The following SGMS1 variants were observed in gnomAD, a reference collection of about 807,000 sequenced individuals.
SGMS1 encodes the protein sphingomyelin synthase 1, also known as phosphatidylcholine:ceramide cholinephosphotransferase 1.
A neutral mutation model predicts 46.2 loss-of-function variants in SGMS1; 13 were observed. That is an observed-to-expected ratio of 0.28 (90% CI 0.18 to 0.45). SGMS1 has a LOEUF of 0.45. SGMS1 is among the 20% of genes least tolerant of loss of function. The pLI is 1.00. For synonymous variants in SGMS1, 203 were observed against 187.8 expected, an observed-to-expected ratio of 1.08 and a Z score of -0.66; for missense variants, 324 against 519.9, an observed-to-expected ratio of 0.62 and a Z score of 3.66.
At chr10:50,347,832 T>G (rs1283740531) in intron 6 of SGMS1, among the ~76,000 whole-genome samples, 1 of 152,214 alleles carries the variant, frequency 6.6e-6, no homozygotes, top group Non-Finnish European at 1.5e-5. Flanking sequence ...TAATCTCCTC[T>G]CAAGAGATAA....
In SGMS1 at chr10:50,307,699, A is replaced by G. The variant is rs548475303; in HGVS notation, c.1062+283T>C. On this transcript the variant is annotated intron_variant, in intron 10 of 10. Transcript: ENST00000361781. This position sits in a 1 kb window ranked among gnomAD's most constrained non-coding sequence, Gnocchi z 4.2. ...GAGAAGAGGATAGGAAAGCAAATCA[A>G]GCAAGGAGGGACACAAGCTTAGAAA... Among the ~76,000 whole-genome samples, 1 of 152,332 alleles carries G rather than the reference A, an allele frequency of 6.6e-6. No individual in the cohort carries two copies. Among genetic ancestry groups the G allele is most frequent in the African/African-American group, 2.4e-5 (1 of 41,566 alleles).
chr10:50,419,354 A>G (rs1368346692), intron 6 of SGMS1, among the ~76,000 whole-genome samples: 1 of 152,204 alleles, frequency 6.6e-6, no homozygotes, highest in Non-Finnish European at 1.5e-5. Flanking sequence ...TTAAATATCT[A>G]AAGAATTTTA....
At chr10:50,622,826 T>C (rs1007556965) in intron 1 of SGMS1, among the ~76,000 whole-genome samples, 44 of 152,242 alleles carry the variant, frequency 2.9e-4, no homozygotes, top group African/African-American at 8.7e-4. Context: ...ACTAGGGCAC[T>C]CTATCCGGCC....
chr10:50,347,740 T>C (rs976786268), intron 6 of SGMS1, among the ~76,000 whole-genome samples: 4 of 152,070 alleles, frequency 2.6e-5, no homozygotes, highest in African/African-American at 4.8e-5. Flanking sequence ...CCAGCCAAGA[T>C]AGGAAACTCC....
rs370788062 is a variant in SGMS1 at position 50,385,718 on chromosome 10, G to A, written c.-231-41373C>T. On this transcript the variant is annotated intron_variant, in intron 6 of 10. Coordinates refer to ENST00000361781, the MANE Select transcript of SGMS1 (RefSeq NM_147156.4). ...GGAGAGGAAGATGTCAGATGAGCTA[G>A]GAAGGCATGGGAGAACCTTGGCCGT... 4.6e-5 allele frequency among the ~76,000 whole-genome samples: 7 copies of A among 152,318 alleles called. No homozygotes were observed. In the South Asian group the frequency reaches 1.5e-3, roughly 32 times the overall value.
At chr10:50,511,535 C>T (rs1007206670) in intron 3 of SGMS1, among the ~76,000 whole-genome samples, 13 of 152,172 alleles carry the variant, frequency 8.5e-5, no homozygotes, top group African/African-American at 3.1e-4. Flanking sequence ...CTTAACTTCT[C>T]CTTAAGTCAG....
At chr10:50,507,271 A>G (rs1022974265) in intron 3 of SGMS1, among the ~76,000 whole-genome samples, 2 of 152,224 alleles carry the variant, frequency 1.3e-5, no homozygotes, top group African/African-American at 4.8e-5. Context: ...AGTACCATTT[A>G]GAGTTGAGCA....
intron 6 of SGMS1, among the ~76,000 whole-genome samples, chr10:50,355,718 C>G (rs1038075126): frequency 7.9e-5 from 12 of 152,180 alleles, no homozygotes; most frequent in Middle Eastern, 3.2e-3. Context: ...TGAGGAGCGC[C>G]TCTGCCTGGC....
chr10:50,493,454 T>C (rs1588852449), intron 3 of SGMS1, among the ~76,000 whole-genome samples: 1 of 152,034 alleles, frequency 6.6e-6, no homozygotes, highest in Admixed American at 6.6e-5. Flanking sequence ...AATTACAACA[T>C]AAGCAAAAAT....
intron 1 of SGMS1, among the ~76,000 whole-genome samples, chr10:50,604,536 C>CT (rs1218610220): frequency 6.6e-6 from 1 of 152,160 alleles, no homozygotes; most frequent in East Asian, 1.9e-4. Flanking sequence ...CCGCAATTAT[C>CT]TTTTTTCCCA....
intron 3 of SGMS1, among the ~76,000 whole-genome samples, chr10:50,513,589 A>G (rs1188655630): frequency 3.3e-5 from 5 of 152,206 alleles, no homozygotes; most frequent in Non-Finnish European, 5.9e-5. Context: ...TAGGATGTTA[A>G]TATCTCCAAG....
chr10:50,488,370 T>G (rs1368867361), intron 3 of SGMS1, among the ~76,000 whole-genome samples: 2 of 152,160 alleles, frequency 1.3e-5, no homozygotes, highest in African/African-American at 4.8e-5. Flanking sequence ...ATAGTCTTCT[T>G]GAGACAAGGT....
chr10:50,621,484 A>G (rs935035685), intron 1 of SGMS1, among the ~76,000 whole-genome samples: 1 of 152,248 alleles, frequency 6.6e-6, no homozygotes, highest in African/African-American at 2.4e-5. Flanking sequence ...TTAAAAATAG[A>G]TGATGAACAT....
At chr10:50,604,451 G>A (rs926058544) in intron 1 of SGMS1, among the ~76,000 whole-genome samples, 1 of 152,142 alleles carries the variant, frequency 6.6e-6, no homozygotes, top group Admixed American at 6.5e-5. Flanking sequence ...CAGCAAACAG[G>A]CAATTATTTG....
At chr10:50,530,673 C>T (rs1036281694) in intron 2 of SGMS1, among the ~76,000 whole-genome samples, 3 of 151,774 alleles carry the variant, frequency 2.0e-5, no homozygotes, top group Non-Finnish European at 4.4e-5. Context: ...TCTGTGCTGA[C>T]AGGGTCTTGC....
intron 7 of SGMS1, among the ~76,000 whole-genome samples, chr10:50,332,614 T>G (rs1424027635): frequency 1.9e-5 from 2 of 103,432 alleles, no homozygotes; most frequent in Non-Finnish European, 3.5e-5. Context: ...TTTAAGTCTT[T>G]TTTTTTTTTT....
intron 2 of SGMS1, among the ~76,000 whole-genome samples, chr10:50,534,665 CAT>C (rs1312967360): frequency 6.6e-6 from 1 of 152,178 alleles, no homozygotes; most frequent in African/African-American, 2.4e-5. Context: ...GAGATATTCA[CAT>C]AGTTGAATAG....
At chr10:50,612,015 CCCT>C (rs1051579729) in intron 1 of SGMS1, among the ~76,000 whole-genome samples, 30 of 152,356 alleles carry the variant, frequency 2.0e-4, no homozygotes, top group African/African-American at 7.0e-4. Context: ...TCACCCAGCC[CCCT>C]GCCAGTGGGG....
At chr10:50,620,022 A>G (rs1838834411) in intron 1 of SGMS1, among the ~76,000 whole-genome samples, 1 of 152,202 alleles carries the variant, frequency 6.6e-6, no homozygotes. Flanking sequence ...GACTGGGAGA[A>G]CAGCAAAGCA....
Sources: gnomAD v4.1 joint callset for allele counts (sites outside exome capture counted in the v4.1 genomes callset) on GRCh38, gnomAD v4.1.1 for gene constraint, Gnocchi (gnomAD v3.1) non-coding constraint, MANE v1.5 for transcripts, NCBI Gene and HGNC (gene_info 2026-07-23, HGNC 2026-07-21) for gene names.